Variants in GPC5 observed in about 807,000 individuals in gnomAD.
GPC5 encodes the protein glypican 5, also known as glypican-5.
A neutral mutation model predicts 53.9 loss-of-function variants in GPC5; 47 were observed. The observed-to-expected ratio is 0.87, with a 90% CI of 0.69 to 1.11. The LOEUF is 1.11. Ranked by LOEUF, GPC5 falls within the 50% of genes most tolerant of loss-of-function variation. The pLI, the probability that GPC5 is intolerant of heterozygous loss-of-function variation, is 0.00. For synonymous variants in GPC5, 286 were observed against 263.3 expected (o/e 1.09, Z -0.84); for missense variants, 748 against 713.1 (o/e 1.05, Z -0.56).
intron 7 of GPC5, among the ~76,000 whole-genome samples, chr13:92,343,765 A>G (rs1398867044): frequency 6.6e-6 from 1 of 152,104 alleles, no homozygotes; most frequent in Admixed American, 6.6e-5. Flanking sequence ...ATCTTCATAA[A>G]TTAATATAAA....
rs115156785 is a variant in GPC5, at chr13:92,175,887, T to C, written c.1561+30898T>C. On this transcript the variant is annotated intron_variant, in intron 7 of 7. Transcript: ENST00000377067. ...AATTTAATAGTAGTTTTCAAACCTG[T>C]CTCCTCATATAGAAGAATCTCAGAT... Among the ~76,000 whole-genome samples the C allele has an allele frequency of 4.9e-3, 743 of 152,266 alleles. 10 individuals carry two copies. Among genetic ancestry groups the C allele is most frequent in the African/African-American group, 0.016 (670 of 41,550 alleles).
chr13:91,907,931 T>A lies in GPC5; in HGVS notation c.1281-6T>A, dbSNP rs2039572423. On this transcript the variant is annotated splice_region_variant and splice_polypyrimidine_tract_variant and intron_variant, in intron 5 of 7. Coordinates refer to ENST00000377067, the MANE Select transcript of GPC5 (RefSeq NM_004466.6). ...TAAGTCATATCTTTCACATTTCCCT[T>A]GCTAGTTATACTCAGCGTGTGGTTG... 1 of 1,594,374 alleles carries A rather than the reference T, an allele frequency of 6.3e-7. No individual in the cohort carries two copies. Among genetic ancestry groups the A allele is most frequent in the Admixed American group, 1.7e-5 (1 of 59,846 alleles).
chr13:91,488,447 C>T (rs984581198), intron 2 of GPC5, among the ~76,000 whole-genome samples: 5 of 152,102 alleles, frequency 3.3e-5, no homozygotes, highest in Non-Finnish European at 7.4e-5. Context: ...ACGGAGGGAC[C>T]GCCTGAAGCC....
chr13:91,470,237 A>G (rs1882527911), intron 2 of GPC5, among the ~76,000 whole-genome samples: 2 of 152,250 alleles, frequency 1.3e-5, no homozygotes, highest in Non-Finnish European at 2.9e-5. Flanking sequence ...TTCTTATCCT[A>G]TAAGTGAAGC....
At chr13:92,590,208 G>A (rs958201965) in intron 7 of GPC5, among the ~76,000 whole-genome samples, 7 of 152,014 alleles carry the variant, frequency 4.6e-5, no homozygotes, top group Admixed American at 1.3e-4. Context: ...CTTTCCCTGC[G>A]GGGAATCTGA....
At chr13:92,360,833 T>C (rs2043560160) in intron 7 of GPC5, among the ~76,000 whole-genome samples, 1 of 151,856 alleles carries the variant, frequency 6.6e-6, no homozygotes, top group Non-Finnish European at 1.5e-5. Flanking sequence ...ATGCATCAAT[T>C]TTTTAATACT....
At chr13:91,810,492 C>G (rs796372898) in intron 5 of GPC5, among the ~76,000 whole-genome samples, 8 of 152,048 alleles carry the variant, frequency 5.3e-5, no homozygotes, top group African/African-American at 1.9e-4. Flanking sequence ...TATAAGAGAA[C>G]TCTCTCTTTT....
intron 2 of GPC5, among the ~76,000 whole-genome samples, chr13:91,675,591 C>T (rs962285242): frequency 1.3e-5 from 2 of 152,184 alleles, no homozygotes; most frequent in African/African-American, 4.8e-5. Flanking sequence ...GTATTACCTA[C>T]AAAGTGATAT....
chr13:91,478,881 T>TTATATATATATATATATATATACACATA (rs71113743), intron 2 of GPC5, among the ~76,000 whole-genome samples: 8 of 67,510 alleles, frequency 1.2e-4, no homozygotes, highest in African/African-American at 5.2e-4. Context: ...TATATACACA[T>TTATATATATATATATATATATACACATA]TATATATATA....
intron 6 of GPC5, among the ~76,000 whole-genome samples, chr13:91,983,357 G>A (rs896152404): frequency 1.3e-5 from 2 of 151,842 alleles, no homozygotes; most frequent in Non-Finnish European, 2.9e-5. Context: ...AAAAAAAAAG[G>A]ACCCAAGGGA....
At chr13:92,449,370 C>T (rs1369428657) in intron 7 of GPC5, among the ~76,000 whole-genome samples, 10 of 152,022 alleles carry the variant, frequency 6.6e-5, no homozygotes, top group Non-Finnish European at 8.8e-5. Flanking sequence ...CTCATGTCAT[C>T]GAGTCACATG....
intron 6 of GPC5, among the ~76,000 whole-genome samples, chr13:91,914,760 TAC>T (rs966851305): frequency 3.4e-4 from 44 of 129,256 alleles, no homozygotes; most frequent in African/African-American, 4.5e-4. Context: ...AGGTAGTGTT[TAC>T]ACACACACAC....
At chr13:91,611,356 A>T (rs1271747838) in intron 2 of GPC5, among the ~76,000 whole-genome samples, 1 of 152,178 alleles carries the variant, frequency 6.6e-6, no homozygotes, top group Non-Finnish European at 1.5e-5. Flanking sequence ...CATGACTTTA[A>T]GTGATAAAGA....
chr13:92,677,997 A>G (rs1383889758), intron 7 of GPC5, among the ~76,000 whole-genome samples: 1 of 152,212 alleles, frequency 6.6e-6, no homozygotes, highest in Non-Finnish European at 1.5e-5. Flanking sequence ...CATAAGAGGA[A>G]CAAGTTTATT....
At chr13:92,339,308 A>T (rs2043347310) in intron 7 of GPC5, among the ~76,000 whole-genome samples, 1 of 151,834 alleles carries the variant, frequency 6.6e-6, no homozygotes. Flanking sequence ...TTATGTCGTG[A>T]TGTGTTAATT....
chr13:91,666,162 A>G (rs774719579), intron 2 of GPC5, among the ~76,000 whole-genome samples: 17 of 152,184 alleles, frequency 1.1e-4, no homozygotes, highest in South Asian at 4.1e-4. Flanking sequence ...CCACTTCCAC[A>G]TATGTCTTGG....
intron 2 of GPC5, among the ~76,000 whole-genome samples, chr13:91,579,386 A>G (rs1387546194): frequency 1.3e-5 from 2 of 152,066 alleles, no homozygotes; most frequent in African/African-American, 4.8e-5. Context: ...GTGTAACTAT[A>G]AGAGTGCTGT....
chr13:92,543,365 G>C (rs1489765978), intron 7 of GPC5, among the ~76,000 whole-genome samples: 1 of 151,850 alleles, frequency 6.6e-6, no homozygotes, highest in Non-Finnish European at 1.5e-5. Context: ...ATCTGATTTT[G>C]TTGAATTGTC....
At chr13:92,620,423 A>C (rs751943108) in intron 7 of GPC5, among the ~76,000 whole-genome samples, 3 of 152,202 alleles carry the variant, frequency 2.0e-5, no homozygotes, top group Non-Finnish European at 4.4e-5. Context: ...AGAGTTCTCC[A>C]GGAAGGAGAC....
Sources: gnomAD v4.1 joint callset for allele counts (sites outside exome capture counted in the v4.1 genomes callset) on GRCh38, gnomAD v4.1.1 for gene constraint, MANE v1.5 for transcripts, NCBI Gene and HGNC (gene_info 2026-07-23, HGNC 2026-07-21) for gene names.